NRF1: variants seen among roughly 807,000 people sequenced by gnomAD.
NRF1 encodes the protein nuclear respiratory factor 1.
NRF1 carries 5 observed loss-of-function variants against 58.5 expected under a neutral mutation model. That is an observed-to-expected ratio of 0.09 (90% CI 0.04 to 0.18). The LOEUF (loss-of-function observed/expected upper bound fraction) is 0.18, where lower values mean the gene tolerates loss of function less well. NRF1 is among the 10% of genes least tolerant of loss of function. The probability of loss-of-function intolerance (pLI) is 1.00; values close to 1 mark genes in which losing one functional copy is unlikely to be tolerated. For missense variants in NRF1, 288 were observed against 657.7 expected (o/e 0.44, Z 6.15); for synonymous variants, 224 against 246.7 (o/e 0.91, Z 0.86).
At chr7:129,698,095 T>C (rs1802741588) in intron 5 of NRF1, among the ~76,000 whole-genome samples, 1 of 152,154 alleles carries the variant, frequency 6.6e-6, no homozygotes, top group Non-Finnish European at 1.5e-5. Context: ...CTCCTACACA[T>C]ATAAAAATTG....
intron 5 of NRF1, among the ~76,000 whole-genome samples, chr7:129,695,247 C>T (rs941110762): frequency 1.3e-5 from 2 of 151,970 alleles, no homozygotes; most frequent in African/African-American, 2.4e-5. Flanking sequence ...ACATGCCCAC[C>T]TCTGTGTGTA....
chr7:129,710,348 G>A (rs1042568859), intron 6 of NRF1, 26 bp from the exon 7 acceptor site: 3 of 1,611,760 alleles, frequency 1.9e-6, no homozygotes, highest in Non-Finnish European at 2.5e-6. Flanking sequence ...GTGGCTTAAT[G>A]TGCTTTTCCG....
chr7:129,626,537 T>C (rs1800923582), intron 1 of NRF1, among the ~76,000 whole-genome samples: 1 of 152,220 alleles, frequency 6.6e-6, no homozygotes, highest in African/African-American at 2.4e-5. Context: ...CCCTCTAACA[T>C]ATTACATTGT....
At chr7:129,622,996 G>T (rs1047507609) in intron 1 of NRF1, among the ~76,000 whole-genome samples, 4 of 152,160 alleles carry the variant, frequency 2.6e-5, no homozygotes, top group Admixed American at 1.3e-4. Context: ...AAATGTAAAA[G>T]ATATTTTTAA....
In NRF1 at chr7:129,611,763, C is replaced by T. The variant is rs1800531582; in HGVS notation, c.-68C>T. 1.0e-5 allele frequency: 3 copies of T among 299,680 alleles called. No individual in the cohort carries two copies. The highest frequency in any genetic ancestry group is 1.8e-5 in the Non-Finnish European group (3 of 162,594). The allele number at this position is 299,680 out of a possible 1,614,324, so 18.6% of individuals were successfully genotyped here. On this transcript the variant is annotated 5_prime_UTR_variant, in exon 1 of 11. Transcript: ENST00000393232. ...CATTGCCGCTGGTGGCAGGAGGCTGCGAGGAGCCGGCGCGGTCGCAGTCTC... is the reference window on the plus strand; with the variant it reads ...CATTGCCGCTGGTGGCAGGAGGCTGTGAGGAGCCGGCGCGGTCGCAGTCTC...
intron 1 of NRF1, among the ~76,000 whole-genome samples, chr7:129,636,721 A>G (rs1452912991): frequency 6.6e-6 from 1 of 151,826 alleles, no homozygotes; most frequent in Non-Finnish European, 1.5e-5. Context: ...CTTTTCTTCC[A>G]CTTGTCTTTT....
intron 2 of NRF1, among the ~76,000 whole-genome samples, chr7:129,663,648 C>T (rs544305777): frequency 7.0e-5 from 9 of 128,290 alleles, no homozygotes; most frequent in Admixed American, 4.0e-4. Context: ...CCAGACGGGG[C>T]GGGCGGGCAG....
At position 129,700,039 on chromosome 7, in the gene NRF1, G is replaced by A. The variant is rs570981310; in HGVS notation, c.607-9036G>A. Among the ~76,000 whole-genome samples, 82 of 151,834 alleles carry A rather than the reference G, an allele frequency of 5.4e-4. 1 individual carries two copies. The highest frequency in any genetic ancestry group is 1.9e-3 in the African/African-American group (78 of 41,400). On this transcript the variant is annotated intron_variant, in intron 5 of 10. Coordinates refer to ENST00000393232, the MANE Select transcript of NRF1 (RefSeq NM_005011.5). ...GTCTGTAATCCCAGCTACTCGGGAG[G>A]CTGGGGCAGGAGAATCGCTTGAACC... is the stretch of plus-strand genomic sequence containing the variant.
intron 10 of NRF1, among the ~76,000 whole-genome samples, chr7:129,748,743 C>CAA (rs1242901908): frequency 1.3e-5 from 2 of 152,180 alleles, no homozygotes; most frequent in Non-Finnish European, 2.9e-5. Context: ...CATACTTATT[C>CAA]ATCCAATAAT....
At chr7:129,735,114 A>C in intron 10 of NRF1, 2 of 985,454 alleles carry the variant, frequency 2.0e-6, no homozygotes, top group Non-Finnish European at 2.4e-6. Context: ...TTTGAAGAGC[A>C]CATCTGTCTC....
At chr7:129,649,816 C>T (rs6965820) in intron 1 of NRF1, among the ~76,000 whole-genome samples, 65,855 of 151,936 alleles carry the variant, frequency 0.43, 16,996 homozygotes, top group Non-Finnish European at 0.58. Flanking sequence ...TGCAGTGGTG[C>T]GATCTTGGCT....
intron 8 of NRF1, among the ~76,000 whole-genome samples, chr7:129,714,487 G>C (rs917239599): frequency 6.6e-6 from 1 of 152,178 alleles, no homozygotes; most frequent in Non-Finnish European, 1.5e-5. Flanking sequence ...GTTTTGAGCG[G>C]ACTCATCAGC....
In NRF1 at chr7:129,732,863, A is replaced by G. The variant is rs1030942134; in HGVS notation, c.1348+5498A>G. On this transcript the variant is annotated intron_variant, in intron 10 of 10. Coordinates refer to ENST00000393232, the MANE Select transcript of NRF1 (RefSeq NM_005011.5). ...GTGATCTGCCCGCCTCAGCCTCCCAAAGTTCCAGACCAGCCTGGGCAACAT... is the reference window on the plus strand; with the variant it reads ...GTGATCTGCCCGCCTCAGCCTCCCAGAGTTCCAGACCAGCCTGGGCAACAT... 2.9e-4 allele frequency among the ~76,000 whole-genome samples: 44 copies of G among 152,104 alleles called. 1 individual carries two copies. Among genetic ancestry groups the G allele is most frequent in the Non-Finnish European group, 8.8e-5 (6 of 68,002 alleles).
At chr7:129,673,291 A>T (rs190135388) in intron 3 of NRF1, among the ~76,000 whole-genome samples, 135 of 152,312 alleles carry the variant, frequency 8.9e-4, no homozygotes, top group African/African-American at 3.0e-3. Flanking sequence ...GTTTCAAGGA[A>T]TTCCATCAGA....
intron 5 of NRF1, among the ~76,000 whole-genome samples, chr7:129,705,263 T>C (rs1359947167): frequency 6.6e-6 from 1 of 152,166 alleles, no homozygotes; most frequent in East Asian, 1.9e-4. Context: ...GAGCCAACTC[T>C]GAGTCTTGTG....
chr7:129,677,830 G>A (rs1484937144), intron 4 of NRF1, 72 bp downstream of exon 4: 16 of 1,578,908 alleles, frequency 1.0e-5, no homozygotes, highest in Non-Finnish European at 1.4e-5. Context: ...CTGATCCTCT[G>A]TCAAGTATAA....
rs536886185 is a variant in NRF1, at chr7:129,754,948, G to C, written c.1349-70G>C. Reference sequence around the variant, plus strand: ...GATACCTCAAAGGCAAGACTTGGGTGCCCCCGTCCAGCCAGCATCTGGGAA... The same window carrying C: ...GATACCTCAAAGGCAAGACTTGGGTCCCCCCGTCCAGCCAGCATCTGGGAA... On this transcript the variant is annotated intron_variant, in intron 10 of 10. Coordinates refer to ENST00000393232, the MANE Select transcript of NRF1 (RefSeq NM_005011.5). 3.9e-5 allele frequency: 56 copies of C among 1,439,460 alleles called. No homozygotes were observed. In the African/African-American group the frequency reaches 7.7e-4, roughly 20 times the overall value. The allele number at this position is 1,439,460 out of a possible 1,614,324, so 89.2% of individuals were successfully genotyped here.
intron 10 of NRF1, 35 bp from the exon 11 acceptor site, chr7:129,754,983 G>A (rs761955688): frequency 1.0e-5 from 16 of 1,529,090 alleles, no homozygotes; most frequent in Non-Finnish European, 1.3e-5. Flanking sequence ...ACTTGAGCCT[G>A]AGCCCCACCA....
At chr7:129,748,716 A>G (rs1804041613) in intron 10 of NRF1, among the ~76,000 whole-genome samples, 1 of 152,260 alleles carries the variant, frequency 6.6e-6, no homozygotes, top group African/African-American at 2.4e-5. Flanking sequence ...ATATTTTAAG[A>G]TGTTAACCAT....
Sources: allele counts gnomAD v4.1 joint callset (sites outside exome capture counted in the v4.1 genomes callset), GRCh38; gene constraint gnomAD v4.1.1; transcripts MANE v1.5; gene names NCBI Gene and HGNC (gene_info 2026-07-23, HGNC 2026-07-21).